CHD8: variants seen among roughly 807,000 people sequenced by gnomAD.
The protein encoded by CHD8 is chromodomain helicase DNA binding protein 8.
A neutral mutation model predicts 279.2 loss-of-function variants in CHD8; 31 were observed. The observed-to-expected ratio is 0.11, with a 90% CI of 0.08 to 0.15. The LOEUF is 0.15. Among genes scored for constraint, CHD8 ranks in the 10% least tolerant of loss-of-function variants. The pLI, the probability that CHD8 is intolerant of heterozygous loss-of-function variation, is 1.00. For synonymous variants in CHD8, 1,081 were observed against 1,139.6 expected (o/e 0.95, Z 1.04); for missense variants, 2,146 against 3,230.5 (o/e 0.66, Z 8.14).
At chr14:21,418,541 C>A (rs186117922) in intron 5 of CHD8, among the ~76,000 whole-genome samples, 3 of 151,496 alleles carry the variant, frequency 2.0e-5, no homozygotes, top group African/African-American at 7.3e-5. Flanking sequence ...AATAGCCAGG[C>A]GCGGTGGCCC....
chr14:21,425,323 A>G (rs1026513390), intron 5 of CHD8: 1 of 131,454 alleles, frequency 7.6e-6, no homozygotes, highest in Non-Finnish European at 1.6e-5. Context: ...GAGTATTGCT[A>G]TTTTTTTTTT....
intron 27 of CHD8, chr14:21,397,440 TACCATTGGGAGATGATAA>T (rs758893061): frequency 8.0e-6 from 4 of 498,414 alleles, no homozygotes; most frequent in Admixed American, 8.0e-5. Context: ...ATGTGTCAGG[TACCATTGGGAGATGATAA>T]ACCAGGGCTG....
At chr14:21,413,301 C>A (rs866046201) in intron 9 of CHD8, among the ~76,000 whole-genome samples, 1 of 152,022 alleles carries the variant, frequency 6.6e-6, no homozygotes, top group Non-Finnish European at 1.5e-5. Flanking sequence ...GCCATAAATA[C>A]ACGTATATGT....
At position 21,453,271 on chromosome 14, in the gene CHD8, T is replaced by C. The variant is rs149271720; in HGVS notation, c.-216+2761A>G. The stretch of plus-strand genomic sequence containing the variant: ...AGGAGTTAAAGACCAGCCTGGCCAA[T>C]ATGGTGAAACCCCGTCTCTACTAAA... On this transcript the variant is annotated intron_variant, in intron 1 of 37. Coordinates refer to ENST00000646647, the MANE Select transcript of CHD8 (RefSeq NM_001170629.2). Among the ~76,000 whole-genome samples, 193 of 151,954 alleles carry C rather than the reference T, an allele frequency of 1.3e-3. 9 individuals carry two copies. Among genetic ancestry groups the C allele is most frequent in the African/African-American group, 4.4e-3 (182 of 41,260 alleles).
In CHD8 at chr14:21,391,923, G is replaced by T; in HGVS notation, c.6795C>A (p.Phe2265Leu). ...CATTCGCCATCAACTTGTGCTTCTGGAATGTTAACTTCAATCCTTCCTCCT... is the reference window on the plus strand; with the variant it reads ...CATTCGCCATCAACTTGTGCTTCTGTAATGTTAACTTCAATCCTTCCTCCT... ...IKDEEGLKLT[F>L]QKHKLMANGV... Residue 2265 changes from phenylalanine (F) to leucine (L), a missense_variant, in exon 35 of 38, where the codon TTC becomes TTA. Physicochemically the swap from Phe to Leu is conservative, Grantham distance 22 (BLOSUM62 0). Transcript: ENST00000646647. 6.2e-7 allele frequency: 1 copy of T among 1,613,544 alleles called. No individual in the cohort carries two copies. Among genetic ancestry groups the T allele is most frequent in the South Asian group, 1.1e-5 (1 of 91,082 alleles).
chr14:21,415,178 A>G, intron 7 of CHD8, 185 bp from the exon 8 acceptor site: 1 of 578,772 alleles, frequency 1.7e-6, no homozygotes, highest in Non-Finnish European at 3.0e-6. Flanking sequence ...GTAAGCCTTT[A>G]TCCACTCTAA....
chr14:21,451,286 T>C (rs1023550781), intron 1 of CHD8, among the ~76,000 whole-genome samples: 2 of 152,036 alleles, frequency 1.3e-5, no homozygotes, highest in African/African-American at 4.8e-5. Context: ...AAAGTAATTA[T>C]CGGCTGGGTG....
At chr14:21,436,726 G>T (rs1242554001) in intron 1 of CHD8, among the ~76,000 whole-genome samples, 1 of 152,090 alleles carries the variant, frequency 6.6e-6, no homozygotes, top group Non-Finnish European at 1.5e-5. Flanking sequence ...GAATAAATCG[G>T]AAAAGCAAAA....
chr14:21,399,801 A>C (rs759840765), intron 25 of CHD8, 96 bp from the exon 26 acceptor site: 3 of 991,390 alleles, frequency 3.0e-6, no homozygotes, highest in Non-Finnish European at 4.8e-6. Context: ...TGTATCCATT[A>C]ATTTAAATAC....
At chr14:21,439,234 A>T (rs1023337636) in intron 1 of CHD8, among the ~76,000 whole-genome samples, 2 of 152,242 alleles carry the variant, frequency 1.3e-5, no homozygotes, top group African/African-American at 2.4e-5. Flanking sequence ...CAAATTAGGA[A>T]AATCAACTTG....
In CHD8 at chr14:21,400,633, T is replaced by C; in HGVS notation, c.4371-21A>G. 6.5e-7 allele frequency: 1 copy of C among 1,545,066 alleles called. No individual in the cohort carries two copies. Reference sequence around the variant, plus strand: ...CCCAACTAAAAAACAGAAAACTATATTAACATTTTTCTGAGAAATGACAGT... The same window carrying C: ...CCCAACTAAAAAACAGAAAACTATACTAACATTTTTCTGAGAAATGACAGT... On this transcript the variant is annotated intron_variant, in intron 22 of 37. Transcript: ENST00000646647. This position sits in a 1 kb window ranked among gnomAD's most constrained non-coding sequence, Gnocchi z 4.2.
At position 21,385,343 on chromosome 14, in the gene CHD8, A is replaced by T. The variant is rs898246870; in HGVS notation, c.*270T>A. The T allele has an allele frequency of 4.1e-6, 2 of 491,514 alleles. No homozygotes were observed. The highest frequency in any genetic ancestry group is 3.9e-5 in the African/African-American group (2 of 51,788). The allele number at this position is 491,514 out of a possible 1,614,324, so 30.4% of individuals were successfully genotyped here. A position where few individuals can be genotyped will look rare whatever the true frequency, so the allele number is the denominator to read the frequency against. On this transcript the variant is annotated 3_prime_UTR_variant, in exon 38 of 38. Transcript: ENST00000646647. ...TAGTCTGTGGTTAATGGAGGTGACT[A>T]GGGAGGGGTGAGCACACCAGCTGCT... is the stretch of plus-strand genomic sequence containing the variant.
chr14:21,392,397 A>G, intron 34 of CHD8, 110 bp downstream of exon 34: 1 of 1,117,864 alleles, frequency 8.9e-7, no homozygotes, highest in South Asian at 1.5e-5. Context: ...CTGTTTTCTC[A>G]TTTTTAAAAT....
chr14:21,402,880 G>T lies in CHD8; in HGVS notation c.3714+137C>A. On this transcript the variant is annotated intron_variant, in intron 18 of 37. Coordinates refer to ENST00000646647, the MANE Select transcript of CHD8 (RefSeq NM_001170629.2). The surrounding 1 kb of genome is among the most constrained non-coding windows in gnomAD (Gnocchi z 4.5). Reference sequence around the variant, plus strand: ...TTGTCGTTTACAGAAAACGTTTGCTGATTCCCTGACCTAACTGCCACCCTT... The same window carrying T: ...TTGTCGTTTACAGAAAACGTTTGCTTATTCCCTGACCTAACTGCCACCCTT... 1 of 696,718 alleles carries T rather than the reference G, an allele frequency of 1.4e-6. No individual in the cohort carries two copies. The highest frequency in any genetic ancestry group is 2.4e-6 in the Non-Finnish European group (1 of 424,368). The allele number at this position is 696,718 out of a possible 1,614,324, so 43.2% of individuals were successfully genotyped here. A position where few individuals can be genotyped will look rare whatever the true frequency, so the allele number is the denominator to read the frequency against.
In CHD8 at chr14:21,402,942, T is replaced by C. The variant is rs1168875797; in HGVS notation, c.3714+75A>G. 3.1e-6 allele frequency: 4 copies of C among 1,273,602 alleles called. No homozygotes were observed. Among genetic ancestry groups the C allele is most frequent in the Admixed American group, 2.3e-5 (1 of 42,998 alleles). The allele number at this position is 1,273,602 out of a possible 1,614,324, so 78.9% of individuals were successfully genotyped here. ...CAATTCCAAACTCTGTGAAAGGTCTTTCTAAAAGATCCTATTCTTGTTGAA... is the reference window on the plus strand; with the variant it reads ...CAATTCCAAACTCTGTGAAAGGTCTCTCTAAAAGATCCTATTCTTGTTGAA... On this transcript the variant is annotated intron_variant, in intron 18 of 37. Coordinates refer to ENST00000646647, the MANE Select transcript of CHD8 (RefSeq NM_001170629.2). This position sits in a 1 kb window ranked among gnomAD's most constrained non-coding sequence, Gnocchi z 4.5.
At position 21,385,698 on chromosome 14, in the gene CHD8, T is replaced by C. The variant is rs762463472; in HGVS notation, c.7661A>G (p.Tyr2554Cys). 6.4e-6 allele frequency: 10 copies of C among 1,551,812 alleles called. No homozygotes were observed. Among genetic ancestry groups the C allele is most frequent in the African/African-American group, 5.5e-5 (4 of 73,030 alleles). ...TGAGAAGTCCCTTTCTGAGCTATCA[T>C]AGCCCTGAGATAAGTCATCATCATC... ...EEDDDDLSQG[Y>C]DSSERDFSLI... The change falls in exon 38 of 38, where the codon TAT (tyrosine) becomes TGT (cysteine). Residue 2554 changes from tyrosine (Y) to cysteine (C), a missense_variant. Coordinates refer to ENST00000646647, the MANE Select transcript of CHD8 (RefSeq NM_001170629.2).
chr14:21,439,439 A>G (rs1199987671), intron 1 of CHD8, among the ~76,000 whole-genome samples: 1 of 152,206 alleles, frequency 6.6e-6, no homozygotes, highest in Non-Finnish European at 1.5e-5. Flanking sequence ...AATATATAAC[A>G]AAGATTTTGG....
chr14:21,395,947 G>A, intron 27 of CHD8, 55 bp from the exon 28 acceptor site: 1 of 1,153,828 alleles, frequency 8.7e-7, no homozygotes, highest in Non-Finnish European at 1.3e-6. Context: ...CTATCACTAA[G>A]GGAACCTAGG....
chr14:21,410,027 T>C (rs1412308781), intron 10 of CHD8, 39 bp from the exon 11 acceptor site: 31 of 1,572,134 alleles, frequency 2.0e-5, no homozygotes, highest in Non-Finnish European at 2.6e-5. Flanking sequence ...AAACTGATTC[T>C]GTGTTCTCTG....
Sources: gnomAD v4.1 joint callset for allele counts (sites outside exome capture counted in the v4.1 genomes callset) on GRCh38, gnomAD v4.1.1 for gene constraint, Gnocchi (gnomAD v3.1) non-coding constraint, MANE v1.5 for transcripts, NCBI Gene and HGNC (gene_info 2026-07-23, HGNC 2026-07-21) for gene names.